NUAK2: variants seen among roughly 807,000 people sequenced by gnomAD.
The protein encoded by NUAK2 is NUAK family kinase 2.
Under a neutral mutation model 29.8 loss-of-function variants are expected in NUAK2, and 20 were observed. The observed-to-expected ratio is 0.67, with a 90% CI of 0.47 to 0.98. NUAK2 has a LOEUF of 0.98. Among genes scored for constraint, NUAK2 ranks in the 50% least tolerant of loss-of-function variants. The pLI is 0.00. For missense variants in NUAK2, 719 were observed against 834.5 expected (o/e 0.86, Z 1.71); for synonymous variants, 331 against 342.6 (o/e 0.97, Z 0.37).
chr1:205,317,545 G>T (rs1421386121), intron 1 of NUAK2, among the ~76,000 whole-genome samples: 1 of 152,200 alleles, frequency 6.6e-6, no homozygotes, highest in South Asian at 2.1e-4. Context: ...GCTCCAAGGG[G>T]AGCCTGAGCC....
intron 4 of NUAK2, among the ~76,000 whole-genome samples, chr1:205,307,906 C>T (rs1322367105): frequency 6.6e-6 from 1 of 152,228 alleles, no homozygotes; most frequent in Non-Finnish European, 1.5e-5. Context: ...ATCAGAAGAT[C>T]TTGGTTCTAG....
intron 1 of NUAK2, 51 bp downstream of exon 1, chr1:205,321,347 C>G (rs370486737): frequency 8.0e-6 from 12 of 1,503,434 alleles, no homozygotes; most frequent in South Asian, 1.3e-5. Flanking sequence ...CGCTCCCTGC[C>G]GGCGGCCAAG....
In NUAK2 at chr1:205,305,269, A is replaced by G. The variant is rs2102645127; in HGVS notation, c.753T>C (p.Asp251=). ...TCACTAGGATCTTATGGTCATGCCC[A>G]TCAAAGGGCATGGTGCCATGCACCA... ...YILVHGTMPF[D]GHDHKILVKQ... Residue 251 remains aspartate (D), a synonymous_variant, in exon 6 of 7, where the codon GAT becomes GAC. Coordinates refer to ENST00000367157, the MANE Select transcript of NUAK2 (RefSeq NM_030952.3). The G allele has an allele frequency of 6.2e-7, 1 of 1,614,140 alleles. No homozygotes were observed. Among genetic ancestry groups the G allele is most frequent in the South Asian group, 1.1e-5 (1 of 91,088 alleles).
At chr1:205,315,858 G>A (rs1409953185) in intron 1 of NUAK2, among the ~76,000 whole-genome samples, 1 of 150,190 alleles carries the variant, frequency 6.7e-6, no homozygotes, top group Non-Finnish European at 1.5e-5. Context: ...GGGTGACAGA[G>A]CGAGCCTCTG....
chr1:205,311,936 A>G, intron 1 of NUAK2, 111 bp from the exon 2 acceptor site: 1 of 1,372,896 alleles, frequency 7.3e-7, no homozygotes. Context: ...GAGTACACCC[A>G]TAGAAGCCAC....
At chr1:205,306,380 T>G in intron 4 of NUAK2, 73 bp from the exon 5 acceptor site, 2 of 1,536,478 alleles carry the variant, frequency 1.3e-6, no homozygotes, top group Non-Finnish European at 1.7e-6. Flanking sequence ...TGGCCCGCCC[T>G]TCTCCAGACC....
chr1:205,308,794 T>C lies in NUAK2; in HGVS notation c.353-62A>G, dbSNP rs1662218156. The C allele has an allele frequency of 1.9e-6, 3 of 1,575,536 alleles. No homozygotes were observed. In the East Asian group the frequency reaches 6.8e-5, roughly 36 times the overall value. On this transcript the variant is annotated intron_variant, in intron 2 of 6. Transcript: ENST00000367157. The surrounding 1 kb of genome is among the most constrained non-coding windows in gnomAD (Gnocchi z 4.1). ...AGAGTGCACTGCTCTCCACTGGGGG[T>C]GACTCACTCCTCCCCGACCCCAGGC...
At chr1:205,306,443 C>A in intron 4 of NUAK2, 136 bp from the exon 5 acceptor site, 2 of 1,100,654 alleles carry the variant, frequency 1.8e-6, no homozygotes, top group Non-Finnish European at 1.3e-6. Context: ...ACCCTTACCC[C>A]ACACTGAGCA....
intron 6 of NUAK2, 58 bp downstream of exon 6, chr1:205,305,141 T>A: frequency 6.3e-7 from 1 of 1,583,652 alleles, no homozygotes; most frequent in Non-Finnish European, 8.6e-7. Context: ...GTTTCTGCCT[T>A]AGGAATGAGT....
intron 1 of NUAK2, among the ~76,000 whole-genome samples, chr1:205,320,351 G>A (rs564540611): frequency 3.4e-4 from 51 of 152,218 alleles, no homozygotes; most frequent in African/African-American, 1.1e-3. Flanking sequence ...TGCAAGCTCC[G>A]CCTCCTGGGT....
At chr1:205,310,486 G>A (rs963732100) in intron 2 of NUAK2, among the ~76,000 whole-genome samples, 6 of 152,186 alleles carry the variant, frequency 3.9e-5, no homozygotes, top group African/African-American at 9.7e-5. Flanking sequence ...TCTTATGTCT[G>A]TTGAATCTGA....
At position 205,303,573 on chromosome 1, in the gene NUAK2, A is replaced by T; in HGVS notation, c.1764T>A (p.Pro588=). The change falls in exon 7 of 7, where the codon CCT becomes CCA. Residue 588 remains proline, a synonymous_variant. Transcript: ENST00000367157. ...TGLEEPPSEG[P]GSCLRRWRQD... ...GCCGCCAGCGCCTCAGGCAGCTTCC[A>T]GGGCCCTCTGAGGGGGGCTCCTCAA... 6.2e-7 allele frequency: 1 copy of T among 1,613,486 alleles called. No homozygotes were observed. The highest frequency in any genetic ancestry group is 8.5e-7 in the Non-Finnish European group (1 of 1,179,908).
chr1:205,309,872 T>C (rs1662232965), intron 2 of NUAK2, among the ~76,000 whole-genome samples: 1 of 152,214 alleles, frequency 6.6e-6, no homozygotes, highest in Admixed American at 6.5e-5. Context: ...ATTAATTGAC[T>C]GGCTGGGTTC....
intron 4 of NUAK2, 121 bp from the exon 5 acceptor site, chr1:205,306,428 C>A: frequency 7.8e-7 from 1 of 1,287,138 alleles, no homozygotes; most frequent in East Asian, 2.4e-5. Context: ...GAAAGGGTCC[C>A]CATGACCCTT....
chr1:205,319,528 C>T (rs1477682136), intron 1 of NUAK2, among the ~76,000 whole-genome samples: 1 of 152,070 alleles, frequency 6.6e-6, no homozygotes, highest in Non-Finnish European at 1.5e-5. Context: ...CCACCCCAGT[C>T]CCCACGACCC....
chr1:205,321,729 G>A lies in NUAK2; in HGVS notation c.-101C>T. The A allele has an allele frequency of 4.2e-6, 4 of 946,146 alleles. No homozygotes were observed. Among genetic ancestry groups the A allele is most frequent in the South Asian group, 1.5e-5 (1 of 65,442 alleles). The allele number at this position is 946,146 out of a possible 1,614,324, so 58.6% of individuals were successfully genotyped here. A position where few individuals can be genotyped will look rare whatever the true frequency, so the allele number is the denominator to read the frequency against. Reference sequence around the variant, plus strand: ...TCCCGCACCAGGACGGGGAGCCACAGCAGTACCAGAGCGCGCAGTAAAGCA... The same window carrying A: ...TCCCGCACCAGGACGGGGAGCCACAACAGTACCAGAGCGCGCAGTAAAGCA... On this transcript the variant is annotated 5_prime_UTR_variant, in exon 1 of 7. Coordinates refer to ENST00000367157, the MANE Select transcript of NUAK2 (RefSeq NM_030952.3).
At chr1:205,311,577 C>T (rs1214792803) in intron 2 of NUAK2, 128 bp downstream of exon 2, 1 of 1,208,122 alleles carries the variant, frequency 8.3e-7, no homozygotes, top group Non-Finnish European at 1.2e-6. Context: ...CCAGCTCCTG[C>T]TCTTCTCTAG....
chr1:205,308,581 C>G lies in NUAK2; in HGVS notation c.504G>C (p.Gln168His). 2 of 1,613,284 alleles carry G rather than the reference C, an allele frequency of 1.2e-6. No individual in the cohort carries two copies. Among genetic ancestry groups the G allele is most frequent in the South Asian group, 1.1e-5 (1 of 91,070 alleles). Residue 168 changes from glutamine (Q) to histidine (H), a missense_variant and splice_region_variant, in exon 3 of 7, where the codon CAG becomes CAC. Coordinates refer to ENST00000367157, the MANE Select transcript of NUAK2 (RefSeq NM_030952.3). This position sits in a 1 kb window ranked among gnomAD's most constrained non-coding sequence, Gnocchi z 4.1. ...ATGGCTGGAGCAGGTAGGTGCTCAC[C>G]TGATGGCAATAGTGCACGGCAGAGA... Reference protein sequence around the residue: ...QIVSAVHYCHQNRVVHRDLKL... With the variant: ...QIVSAVHYCHHNRVVHRDLKL...
At chr1:205,313,783 T>G (rs1419531419) in intron 1 of NUAK2, among the ~76,000 whole-genome samples, 1 of 150,784 alleles carries the variant, frequency 6.6e-6, no homozygotes, top group Non-Finnish European at 1.5e-5. Flanking sequence ...GCTGCAGGGC[T>G]AGGTGGGAGC....
Sources: allele counts gnomAD v4.1 joint callset (sites outside exome capture counted in the v4.1 genomes callset), GRCh38; gene constraint gnomAD v4.1.1; non-coding constraint Gnocchi (gnomAD v3.1); transcripts MANE v1.5; gene names NCBI Gene and HGNC (gene_info 2026-07-23, HGNC 2026-07-21).